Variants in RP1 observed in about 807,000 individuals in gnomAD.
The protein encoded by RP1 is oxygen-regulated protein 1.
A neutral mutation model predicts 14.8 loss-of-function variants in RP1; 16 were observed. The ratio of observed to expected loss-of-function variants is 1.08; its 90% CI spans 0.73 to 1.65. The LOEUF is 1.65. RP1 is among the 40% of genes most tolerant of loss of function. The probability of loss-of-function intolerance (pLI) is 0.00; values close to 1 mark genes in which losing one functional copy is unlikely to be tolerated. For missense variants in RP1, 2,631 were observed against 2,535.0 expected, an observed-to-expected ratio of 1.04 and a Z score of -0.81; for synonymous variants, 876 against 883.6, an observed-to-expected ratio of 0.99 and a Z score of 0.15.
chr8:54,565,425 T>G (rs988403645), intron 1 of RP1, among the ~76,000 whole-genome samples: 8 of 152,106 alleles, frequency 5.3e-5, no homozygotes, highest in African/African-American at 1.9e-4. Context: ...ATTAGCCTGG[T>G]GTGGTGTCAT....
chr8:54,815,211 A>G (rs1042876748), intron 24 of RP1, among the ~76,000 whole-genome samples: 1 of 152,246 alleles, frequency 6.6e-6, no homozygotes, highest in Non-Finnish European at 1.5e-5. Flanking sequence ...TTTTGGAGTT[A>G]ATGGATGTGT....
At chr8:54,607,506 G>A (rs1249815541) in intron 1 of RP1, among the ~76,000 whole-genome samples, 1 of 152,186 alleles carries the variant, frequency 6.6e-6, no homozygotes, top group Non-Finnish European at 1.5e-5. Flanking sequence ...CCCACTTGAG[G>A]AGGCAGTCTG....
At chr8:54,679,739 A>G in intron 11 of RP1, 2 of 1,524,394 alleles carry the variant, frequency 1.3e-6, no homozygotes, top group Non-Finnish European at 1.8e-6. Flanking sequence ...TTTCTTAGCA[A>G]TTTCTTCTCT....
intron 19 of RP1, among the ~76,000 whole-genome samples, chr8:54,739,495 GT>G (rs372209386): frequency 0.024 from 3,678 of 151,904 alleles, 162 homozygotes; most frequent in African/African-American, 0.083. Context: ...CTTGCGAAAG[GT>G]TTTTTTTAAT....
In RP1 at chr8:54,720,305, A is replaced by G. The variant is rs761048279; in HGVS notation, c.2388A>G (p.Gln796=). 3.9e-6 allele frequency: 6 copies of G among 1,534,090 alleles called. No individual in the cohort carries two copies. The African/African-American group carries it at 6.9e-5, about 18-fold the overall frequency. ...TTTGCTTCTATCCACAAGTCATCCA[A>G]TGTATGTTTACTCTGAAATGCTTTG... is the stretch of plus-strand genomic sequence containing the variant. The change falls in exon 16 of 23, where the codon CAA becomes CAG. Residue 796 remains glutamine (Q), a splice_region_variant and synonymous_variant. Transcript: ENST00000636932.
intron 7 of RP1, among the ~76,000 whole-genome samples, chr8:54,664,131 A>C (rs1806960170): frequency 6.6e-6 from 1 of 152,168 alleles, no homozygotes; most frequent in African/African-American, 2.4e-5. Context: ...TGTAAGGGAA[A>C]TAATATAGTA....
chr8:54,869,736 TA>T (rs1812538573), intron 28 of RP1: 4 of 425,218 alleles, frequency 9.4e-6, no homozygotes, highest in Middle Eastern at 6.0e-4. Flanking sequence ...CTGATCTCTC[TA>T]AAGGCCTCTT....
rs1226021517 is a variant in RP1, at chr8:54,630,214, T to C, written c.6332T>C (p.Val2111Ala). The C allele has an allele frequency of 1.9e-6, 3 of 1,613,716 alleles. No individual in the cohort carries two copies. Among genetic ancestry groups the C allele is most frequent in the Admixed American group, 3.3e-5 (2 of 60,024 alleles). ...GCTTGCCTCTTAGATATTTGCCAAG[T>C]TGAGACCTCCTTAAATATTAGCAAC... Reference protein sequence around the residue: ...GQACLLDICQVETSLNISNRN... With the variant: ...GQACLLDICQAETSLNISNRN... Residue 2111 changes from valine to alanine, a missense_variant, in exon 4 of 4, where the codon GTT becomes GCT. Transcript: ENST00000220676.
chr8:54,852,477 G>T, intron 25 of RP1: 2 of 876,434 alleles, frequency 2.3e-6, no homozygotes, highest in Non-Finnish European at 3.0e-6. Flanking sequence ...TCATCAACTA[G>T]ATGAAAGAAC....
At chr8:54,760,127 A>T (rs1476617068) in intron 22 of RP1, among the ~76,000 whole-genome samples, 1 of 152,226 alleles carries the variant, frequency 6.6e-6, no homozygotes, top group Non-Finnish European at 1.5e-5. Flanking sequence ...ATTGGAGCTG[A>T]CTGCAGATGA....
chr8:54,627,339 G>C lies in RP1; in HGVS notation c.3457G>C (p.Ala1153Pro), dbSNP rs772227991. 6.2e-7 allele frequency: 1 copy of C among 1,613,982 alleles called. No individual in the cohort carries two copies. Among genetic ancestry groups the C allele is most frequent in the Admixed American group, 1.7e-5 (1 of 59,998 alleles). ...NSFCQVDAHK[A>P]TNKSSETLAL... ...CTTCTGTCAAGTTGATGCTCACAAG[G>C]CTACCAACAAATCTTCAGAAACACT... Residue 1153 changes from alanine (A) to proline (P), a missense_variant, in exon 4 of 4, where the codon GCT (alanine) becomes CCT (proline). By Grantham distance (27) the Ala-to-Pro change is conservative. Coordinates refer to ENST00000220676, the MANE Select transcript of RP1 (RefSeq NM_006269.2).
At chr8:54,817,477 A>G (rs544839828) in intron 24 of RP1, among the ~76,000 whole-genome samples, 2 of 152,232 alleles carry the variant, frequency 1.3e-5, no homozygotes, top group South Asian at 2.1e-4. Context: ...GCTGTTGGCA[A>G]TGGTGACAAA....
In RP1 at chr8:54,670,010, T is replaced by C. The variant is rs183441687; in HGVS notation, c.1324-3840T>C. 2.5e-4 allele frequency among the ~76,000 whole-genome samples: 38 copies of C among 152,190 alleles called. No homozygotes were observed. The East Asian group carries it at 6.6e-3, about 26-fold the overall frequency. ...ACCGGCACGTTGTGCACATGTACCCTAGAACTTAAAGTATAATAATAAAAT... is the reference window on the plus strand; with the variant it reads ...ACCGGCACGTTGTGCACATGTACCCCAGAACTTAAAGTATAATAATAAAAT... On this transcript the variant is annotated intron_variant, in intron 7 of 22. Transcript: ENST00000636932.
At chr8:54,675,802 A>G (rs371626759) in intron 8 of RP1, among the ~76,000 whole-genome samples, 1 of 152,168 alleles carries the variant, frequency 6.6e-6, no homozygotes, top group African/African-American at 2.4e-5. Flanking sequence ...AGACCAGAGT[A>G]AAATAATAGA....
chr8:54,720,370 G>A (rs1172360553), intron 16 of RP1: 13 of 1,360,178 alleles, frequency 9.6e-6, no homozygotes, highest in Non-Finnish European at 1.3e-5. Flanking sequence ...TACAGTGTCT[G>A]AAAATTTCAT....
At chr8:54,699,504 C>T in exon 13 of RP1, 1 of 1,402,008 alleles carries the variant, frequency 7.1e-7, no homozygotes, top group Non-Finnish European at 9.4e-7. Flanking sequence ...GAAATATATG[C>T]ATTTTCCAAA....
intron 27 of RP1, among the ~76,000 whole-genome samples, chr8:54,858,319 A>G (rs1449017478): frequency 1.3e-5 from 2 of 152,222 alleles, no homozygotes; most frequent in Admixed American, 1.3e-4. Context: ...AATAGAATAG[A>G]GGAAGGAATG....
intron 8 of RP1, among the ~76,000 whole-genome samples, chr8:54,676,642 C>T (rs1036481952): frequency 6.6e-6 from 1 of 152,302 alleles, no homozygotes; most frequent in African/African-American, 2.4e-5. Flanking sequence ...AACAGCCTAG[C>T]TTTCTTTAGG....
chr8:54,661,783 CT>C (rs917973361), intron 6 of RP1, among the ~76,000 whole-genome samples: 5 of 151,892 alleles, frequency 3.3e-5, no homozygotes, highest in African/African-American at 4.8e-5. Flanking sequence ...CCCTGAGGTT[CT>C]TTTTTTTAAA....
Sources: allele counts gnomAD v4.1 joint callset (sites outside exome capture counted in the v4.1 genomes callset), GRCh38; gene constraint gnomAD v4.1.1; transcripts MANE v1.5; gene names NCBI Gene and HGNC (gene_info 2026-07-23, HGNC 2026-07-21).